RFX4: variants seen among roughly 807,000 people sequenced by gnomAD.
The protein encoded by RFX4 is regulatory factor X4.
A neutral mutation model predicts 95.0 loss-of-function variants in RFX4; 10 were observed. That is an observed-to-expected ratio of 0.11 (90% CI 0.06 to 0.18). The LOEUF (loss-of-function observed/expected upper bound fraction) is 0.18. Ranked by LOEUF, RFX4 falls within the 10% of genes least tolerant of loss-of-function variation. RFX4 has a pLI of 1.00. For synonymous variants in RFX4, 321 were observed against 340.7 expected, an observed-to-expected ratio of 0.94 and a Z score of 0.64; for missense variants, 640 against 922.0, an observed-to-expected ratio of 0.69 and a Z score of 3.96.
rs1357094766 is a variant in RFX4, at chr12:106,761,810, A to G, written c.*341A>G. On this transcript the variant is annotated 3_prime_UTR_variant, in exon 18 of 18. Transcript: ENST00000392842. The stretch of plus-strand genomic sequence containing the variant: ...GGCAACCACTTCTAGTAAGCTACTG[A>G]TTTTCCTGTTGACAAAATCTCTTTA... 1 of 153,680 alleles carries G rather than the reference A, an allele frequency of 6.5e-6. No homozygotes were observed. The highest frequency in any genetic ancestry group is 6.5e-5 in the Admixed American group (1 of 15,302). 9.5% of individuals were successfully genotyped at this position (153,680 alleles called of 1,614,324 possible).
At chr12:106,717,590 G>C (rs2042319289) in intron 11 of RFX4, among the ~76,000 whole-genome samples, 2 of 152,232 alleles carry the variant, frequency 1.3e-5, no homozygotes, top group African/African-American at 4.8e-5. Flanking sequence ...AGTCCTTACT[G>C]AATGCCTGTC....
chr12:106,612,196 G>T (rs2039974736), intron 2 of RFX4, among the ~76,000 whole-genome samples: 1 of 152,094 alleles, frequency 6.6e-6, no homozygotes, highest in Non-Finnish European at 1.5e-5. Context: ...AGATTGCTTT[G>T]GATAGTTTTA....
chr12:106,711,878 T>C (rs1353255796), intron 10 of RFX4, among the ~76,000 whole-genome samples: 1 of 152,222 alleles, frequency 6.6e-6, no homozygotes, highest in Non-Finnish European at 1.5e-5. Flanking sequence ...TATTCAATAT[T>C]TGCCTAATTT....
intron 15 of RFX4, among the ~76,000 whole-genome samples, chr12:106,737,996 A>T (rs1048101237): frequency 1.3e-5 from 2 of 152,176 alleles, no homozygotes; most frequent in African/African-American, 4.8e-5. Flanking sequence ...CGTGTAGTGA[A>T]AAGAATGACT....
intron 4 of RFX4, among the ~76,000 whole-genome samples, chr12:106,669,013 T>A (rs1281277262): frequency 1.3e-5 from 2 of 152,220 alleles, no homozygotes; most frequent in East Asian, 1.9e-4. Context: ...AATTCCTCAA[T>A]CCCACTTATT....
intron 2 of RFX4, among the ~76,000 whole-genome samples, chr12:106,614,606 T>A (rs1016167747): frequency 9.9e-5 from 15 of 151,472 alleles, no homozygotes; most frequent in African/African-American, 3.4e-4. Context: ...CCTCCTGGGT[T>A]CACGCCATTC....
At chr12:106,719,925 C>T (rs2042364893) in intron 11 of RFX4, 35 bp from the exon 12 acceptor site, 1 of 1,496,472 alleles carries the variant, frequency 6.7e-7, no homozygotes, top group Admixed American at 1.7e-5. Context: ...AATACAACTG[C>T]AGTGATGCGT....
chr12:106,670,940 C>T (rs2041268595), intron 4 of RFX4, among the ~76,000 whole-genome samples: 1 of 152,192 alleles, frequency 6.6e-6, no homozygotes, highest in East Asian at 1.9e-4. Flanking sequence ...TCATTTCTCT[C>T]TCTTGTTCAA....
Position 106,750,715 on chromosome 12 carries a change from C to G in RFX4, c.1857C>G (p.Ser619Arg). ...YGNQHPHPMQ[S>R]QYPALPHDTA... ...ACCAGCATCCTCACCCCATGCAGAGCCAGTATCCGGCCCTCCCTCATGACA... is the reference window on the plus strand; with the variant it reads ...ACCAGCATCCTCACCCCATGCAGAGGCAGTATCCGGCCCTCCCTCATGACA... The change falls in exon 17 of 18, where the codon AGC becomes AGG. Residue 619 changes from serine (S) to arginine (R), a missense_variant. Ser to Arg is a moderately radical substitution (Grantham distance 110). Around this residue, in one of 7 missense-constraint regions of RFX4, gnomAD observed 300 missense variants for 346.8 expected, o/e 0.87. Coordinates refer to ENST00000392842, the MANE Select transcript of RFX4 (RefSeq NM_213594.3). The G allele has an allele frequency of 6.2e-7, 1 of 1,611,742 alleles. No homozygotes were observed. Among genetic ancestry groups the G allele is most frequent in the Non-Finnish European group, 8.5e-7 (1 of 1,179,106 alleles).
chr12:106,640,106 C>A (rs1475255879), intron 3 of RFX4, among the ~76,000 whole-genome samples: 1 of 152,200 alleles, frequency 6.6e-6, no homozygotes, highest in African/African-American at 2.4e-5. Flanking sequence ...CCATTATATG[C>A]ACCCCTCCAG....
Position 106,617,705 on chromosome 12 carries a change from C to T in RFX4, c.130+8822C>T, listed in dbSNP as rs940819031. On this transcript the variant is annotated intron_variant, in intron 2 of 17. Transcript: ENST00000392842. ...ACACTTGAAAAGAATGTATATTTTG[C>T]ATTTTGAATGTACATTTTGGGTTTG... 2.6e-5 allele frequency among the ~76,000 whole-genome samples: 4 copies of T among 152,104 alleles called. 1 individual carries two copies. Among genetic ancestry groups the T allele is most frequent in the Admixed American group, 1.3e-4 (2 of 15,260 alleles).
chr12:106,672,869 G>T (rs1410937565), intron 4 of RFX4, among the ~76,000 whole-genome samples: 1 of 151,902 alleles, frequency 6.6e-6, no homozygotes, highest in African/African-American at 2.4e-5. Context: ...AGTGGGAAAA[G>T]TCTTGACCTG....
chr12:106,737,178 T>G (rs952023894), intron 15 of RFX4, among the ~76,000 whole-genome samples: 208 of 83,018 alleles, frequency 2.5e-3, no homozygotes, highest in Non-Finnish European at 3.7e-3. Flanking sequence ...TTTTTTTTTT[T>G]TTTTTTTTTT....
intron 13 of RFX4, among the ~76,000 whole-genome samples, chr12:106,730,357 G>A (rs2042587267): frequency 6.6e-6 from 1 of 152,166 alleles, no homozygotes; most frequent in Non-Finnish European, 1.5e-5. Context: ...GCCCCTGTAG[G>A]GGCCAAGTCA....
chr12:106,756,091 T>G (rs2043103430), intron 17 of RFX4, among the ~76,000 whole-genome samples: 1 of 152,252 alleles, frequency 6.6e-6, no homozygotes, highest in East Asian at 1.9e-4. Flanking sequence ...CCAGCCCTGC[T>G]TAGATTCTTG....
At chr12:106,616,040 A>G (rs1242525495) in intron 2 of RFX4, among the ~76,000 whole-genome samples, 2 of 152,192 alleles carry the variant, frequency 1.3e-5, no homozygotes, top group African/African-American at 2.4e-5. Flanking sequence ...CTTTTTCCCA[A>G]CCTAAGTGGT....
At chr12:106,750,535 A>G (rs2042982080) in intron 16 of RFX4, 120 bp from the exon 17 acceptor site, 2 of 1,023,522 alleles carry the variant, frequency 2.0e-6, no homozygotes, top group Non-Finnish European at 1.3e-6. Flanking sequence ...GAAGGGGGGA[A>G]GAAAAGAAAA....
At chr12:106,632,615 C>A (rs1211940391) in intron 2 of RFX4, among the ~76,000 whole-genome samples, 1 of 152,234 alleles carries the variant, frequency 6.6e-6, no homozygotes, top group Non-Finnish European at 1.5e-5. Flanking sequence ...GCATCCTGGA[C>A]CTGCATTTCA....
intron 8 of RFX4, among the ~76,000 whole-genome samples, chr12:106,697,976 A>T (rs922430955): frequency 1.3e-5 from 2 of 151,224 alleles, no homozygotes; most frequent in African/African-American, 2.4e-5. Context: ...AATTATTATT[A>T]TTATTTTTTT....
Sources: allele counts gnomAD v4.1 joint callset (sites outside exome capture counted in the v4.1 genomes callset), GRCh38; gene constraint gnomAD v4.1.1; regional missense constraint gnomAD v4.1.1; transcripts MANE v1.5; gene names NCBI Gene and HGNC (gene_info 2026-07-23, HGNC 2026-07-21).